PCDH17: variants seen among roughly 807,000 people sequenced by gnomAD.
PCDH17 encodes the protein protocadherin-17.
In PCDH17, 21 loss-of-function variants were observed where a neutral mutation model predicts 67.7. That is an observed-to-expected ratio of 0.31 (90% CI 0.22 to 0.45). The LOEUF (loss-of-function observed/expected upper bound fraction) is 0.45, where lower values mean the gene tolerates loss of function less well. Among genes scored for constraint, PCDH17 ranks in the 20% least tolerant of loss-of-function variants. PCDH17 has a pLI of 1.00. For missense variants in PCDH17, 1,471 were observed against 1,564.8 expected, an observed-to-expected ratio of 0.94 and a Z score of 1.01; for synonymous variants, 701 against 656.7, an observed-to-expected ratio of 1.07 and a Z score of -1.03.
chr13:57,642,931 T>A (rs1466108531), intron 1 of PCDH17, among the ~76,000 whole-genome samples: 1 of 151,600 alleles, frequency 6.6e-6, no homozygotes, highest in Non-Finnish European at 1.5e-5. Context: ...TTTGCATCAG[T>A]TTTGAACATC....
chr13:57,673,764 G>T, intron 3 of PCDH17, among the ~76,000 whole-genome samples: 1 of 151,886 alleles, frequency 6.6e-6, no homozygotes, highest in East Asian at 1.9e-4. Context: ...TGCAGTATTT[G>T]CCAGGACTTC....
intron 1 of PCDH17, among the ~76,000 whole-genome samples, chr13:57,640,340 C>T (rs1954875672): frequency 6.6e-6 from 1 of 151,626 alleles, no homozygotes; most frequent in Non-Finnish European, 1.5e-5. Context: ...TTGGCTATGC[C>T]TGTATTTATG....
intron 3 of PCDH17, among the ~76,000 whole-genome samples, chr13:57,692,527 A>G (rs4516093): frequency 0.068 from 10,319 of 151,308 alleles, 1,199 homozygotes; most frequent in African/African-American, 0.24. Flanking sequence ...TAAATGTTTT[A>G]TTCAATATAT....
At chr13:57,674,625 C>CT (rs1311638875) in intron 3 of PCDH17, among the ~76,000 whole-genome samples, 18 of 151,946 alleles carry the variant, frequency 1.2e-4, no homozygotes, top group Non-Finnish European at 5.9e-5. Flanking sequence ...CTGTGCCCAC[C>CT]TTTTTTATTT....
chr13:57,694,149 G>A (rs756340435), intron 3 of PCDH17, among the ~76,000 whole-genome samples: 40 of 151,118 alleles, frequency 2.6e-4, no homozygotes, highest in Non-Finnish European at 4.8e-4. Flanking sequence ...TTGTCAAGAT[G>A]TGAAAGCTAG....
At chr13:57,664,923 T>C (rs778152648) in intron 1 of PCDH17, among the ~76,000 whole-genome samples, 1 of 152,184 alleles carries the variant, frequency 6.6e-6, no homozygotes, top group Non-Finnish European at 1.5e-5. Flanking sequence ...TTTGTCATTA[T>C]GGAAACAAAA....
At chr13:57,631,041 C>A (rs1593883454), upstream of PCDH17, among the ~76,000 whole-genome samples, 2 of 152,144 alleles carry the variant, frequency 1.3e-5, no homozygotes, top group East Asian at 3.9e-4. Context: ...CTCCCTGAGT[C>A]GCCCAGAAAA....
intron 3 of PCDH17, among the ~76,000 whole-genome samples, chr13:57,694,961 G>A (rs1045308146): frequency 6.6e-6 from 1 of 150,976 alleles, no homozygotes; most frequent in African/African-American, 2.4e-5. Flanking sequence ...AAAGATATTG[G>A]CCTTTTGTGC....
rs148834513 is a variant in PCDH17, at chr13:57,665,113, G to A, written c.2566-1355G>A. 4.2e-3 allele frequency among the ~76,000 whole-genome samples: 636 copies of A among 151,958 alleles called. 6 individuals are homozygous for A. The highest frequency in any genetic ancestry group is 0.025 in the South Asian group (120 of 4,824). ...TTCCAATGCTTCACTTCATCTTTGC[G>A]TGTACTTTGATAAATGTCATTTGGA... On this transcript the variant is annotated intron_variant, in intron 1 of 3. Coordinates refer to ENST00000377918, the MANE Select transcript of PCDH17 (RefSeq NM_001040429.3).
chr13:57,650,517 C>T (rs1955023554), intron 1 of PCDH17, among the ~76,000 whole-genome samples: 1 of 152,030 alleles, frequency 6.6e-6, no homozygotes, highest in Admixed American at 6.6e-5. Flanking sequence ...GGAAAAACAA[C>T]AACTATTACA....
At chr13:57,662,086 C>G (rs773834575) in intron 1 of PCDH17, among the ~76,000 whole-genome samples, 1 of 152,012 alleles carries the variant, frequency 6.6e-6, no homozygotes, top group Non-Finnish European at 1.5e-5. Context: ...AGGCTGGTCT[C>G]GAACTCCTGG....
intron 3 of PCDH17, among the ~76,000 whole-genome samples, chr13:57,719,611 A>G (rs746696716): frequency 2.0e-5 from 3 of 152,046 alleles, no homozygotes; most frequent in Non-Finnish European, 4.4e-5. Context: ...AAATTTCCCT[A>G]AGTGGTCACA....
intron 1 of PCDH17, among the ~76,000 whole-genome samples, chr13:57,649,229 A>T (rs1955006507): frequency 2.0e-5 from 3 of 152,122 alleles, no homozygotes; most frequent in Non-Finnish European, 4.4e-5. Flanking sequence ...CATTAATAGG[A>T]TTCAGATATT....
intron 1 of PCDH17, among the ~76,000 whole-genome samples, chr13:57,655,091 A>G (rs895648509): frequency 5.3e-5 from 8 of 151,978 alleles, no homozygotes; most frequent in African/African-American, 1.9e-4. Flanking sequence ...AGTAAAAATT[A>G]TTTATGCCTA....
In PCDH17 at chr13:57,727,236, G is replaced by C. The variant is rs558946309; in HGVS notation, c.*1942G>C. The C allele has an allele frequency of 7.2e-5, 11 of 152,656 alleles. No individual in the cohort carries two copies. Among genetic ancestry groups the C allele is most frequent in the Middle Eastern group, 3.4e-3 (1 of 294 alleles). 9.5% of individuals were successfully genotyped at this position (152,656 alleles called of 1,614,324 possible). ...TTGTGCCCATACCTTAGAAAATGTG[G>C]TGCTGAGTTAAATAAAGGCTGTTTG... is the stretch of plus-strand genomic sequence containing the variant. On this transcript the variant is annotated 3_prime_UTR_variant, in exon 4 of 4. Coordinates refer to ENST00000377918, the MANE Select transcript of PCDH17 (RefSeq NM_001040429.3).
intron 3 of PCDH17, among the ~76,000 whole-genome samples, chr13:57,717,062 CT>C (rs1219422454): frequency 6.6e-6 from 1 of 151,824 alleles, no homozygotes; most frequent in East Asian, 1.9e-4. Flanking sequence ...GAATATAAAC[CT>C]TGTTCTGGTG....
intron 1 of PCDH17, among the ~76,000 whole-genome samples, chr13:57,665,381 GA>G (rs888290447): frequency 2.0e-5 from 3 of 151,724 alleles, no homozygotes; most frequent in Non-Finnish European, 2.9e-5. Context: ...ATGGGAAGAA[GA>G]AAAAAAGAAT....
upstream of PCDH17, among the ~76,000 whole-genome samples, chr13:57,631,385 C>T (rs1276410472): frequency 6.6e-6 from 1 of 152,072 alleles, no homozygotes; most frequent in East Asian, 1.9e-4. Context: ...CCTTTTTATT[C>T]GGCCTCCCCC....
intron 1 of PCDH17, among the ~76,000 whole-genome samples, chr13:57,659,387 G>A (rs1043684869): frequency 1.3e-5 from 2 of 151,902 alleles, no homozygotes; most frequent in Non-Finnish European, 2.9e-5. Flanking sequence ...CATCCCACAG[G>A]TGTCTAATTT....
Sources: gnomAD v4.1 joint callset for allele counts (sites outside exome capture counted in the v4.1 genomes callset) on GRCh38, gnomAD v4.1.1 for gene constraint, MANE v1.5 for transcripts, NCBI Gene and HGNC (gene_info 2026-07-23, HGNC 2026-07-21) for gene names.